The following RIMS2 variants were observed in gnomAD, a reference collection of about 807,000 sequenced individuals.
The protein encoded by RIMS2 is regulating synaptic membrane exocytosis protein 2.
RIMS2 carries 59 observed loss-of-function variants against 174.4 expected under a neutral mutation model. That is an observed-to-expected ratio of 0.34 (90% CI 0.27 to 0.42). The LOEUF (loss-of-function observed/expected upper bound fraction) is 0.42. Among genes scored for constraint, RIMS2 ranks in the 10% least tolerant of loss-of-function variants. RIMS2 has a pLI of 1.00. For synonymous variants in RIMS2, 606 were observed against 572.5 expected (o/e 1.06, Z -0.84); for missense variants, 1,620 against 1,666.3 (o/e 0.97, Z 0.48).
intron 3 of RIMS2, among the ~76,000 whole-genome samples, chr8:103,833,394 A>C (rs2098837976): frequency 6.6e-6 from 1 of 151,972 alleles, no homozygotes; most frequent in Admixed American, 6.5e-5. Flanking sequence ...TATGTGTATA[A>C]ATTTATGTTC....
At chr8:103,636,309 C>T (rs2096072399) in intron 1 of RIMS2, among the ~76,000 whole-genome samples, 1 of 152,160 alleles carries the variant, frequency 6.6e-6, no homozygotes, top group African/African-American at 2.4e-5. Context: ...TCCCAGTTTG[C>T]TGGAACTGCA....
intron 19 of RIMS2, among the ~76,000 whole-genome samples, chr8:104,160,138 CA>C (rs11418172): frequency 2.9e-4 from 40 of 139,776 alleles, no homozygotes; most frequent in South Asian, 2.3e-4. Flanking sequence ...GACTCCATCT[CA>C]AAAAAAAAAA....
At chr8:103,777,223 A>AAAGAATTATAAGAAAAAAGGAGG (rs2098328321) in intron 3 of RIMS2, among the ~76,000 whole-genome samples, 1 of 152,022 alleles carries the variant, frequency 6.6e-6, no homozygotes. Context: ...AAAAAAGGAG[A>AAAGAATTATAAGAAAAAAGGAGG]AAGAATTATA....
At chr8:104,179,290 C>A (rs2098926006) in intron 19 of RIMS2, among the ~76,000 whole-genome samples, 1 of 152,000 alleles carries the variant, frequency 6.6e-6, no homozygotes, top group African/African-American at 2.4e-5. Context: ...TTGGTAATAG[C>A]AACTGCATGA....
intron 3 of RIMS2, among the ~76,000 whole-genome samples, chr8:103,830,862 G>T (rs1410523115): frequency 6.6e-6 from 1 of 152,180 alleles, no homozygotes; most frequent in Non-Finnish European, 1.5e-5. Flanking sequence ...AGGCTGCAGT[G>T]CAGTAGTGCA....
chr8:103,701,037 A>G (rs1016807663), intron 2 of RIMS2, among the ~76,000 whole-genome samples: 2 of 151,996 alleles, frequency 1.3e-5, no homozygotes, highest in African/African-American at 2.4e-5. Context: ...GAAAAGATCT[A>G]TATTTATTCT....
intron 3 of RIMS2, among the ~76,000 whole-genome samples, chr8:103,810,760 T>G (rs1407992314): frequency 2.0e-5 from 3 of 152,172 alleles, no homozygotes; most frequent in African/African-American, 7.2e-5. Flanking sequence ...TTTGTATTTA[T>G]AGAATAGGTA....
intron 2 of RIMS2, among the ~76,000 whole-genome samples, chr8:103,724,244 G>GC (rs1216969407): frequency 2.0e-5 from 3 of 152,058 alleles, no homozygotes; most frequent in Non-Finnish European, 2.9e-5. Context: ...TTTTATGGTT[G>GC]CATCATTGTT....
chr8:103,564,440 G>A (rs2092066538), intron 1 of RIMS2, among the ~76,000 whole-genome samples: 1 of 152,134 alleles, frequency 6.6e-6, no homozygotes, highest in Non-Finnish European at 1.5e-5. Flanking sequence ...ACAAGATGAA[G>A]TCCCACAGTA....
chr8:103,951,673 C>T (rs1157827361), intron 14 of RIMS2, among the ~76,000 whole-genome samples: 2 of 152,144 alleles, frequency 1.3e-5, no homozygotes, highest in African/African-American at 2.4e-5. Flanking sequence ...AACTAGGTAG[C>T]CATTTGGGCA....
In RIMS2 at chr8:103,800,351, G is replaced by A. The variant is rs942364328; in HGVS notation, c.698+33814G>A. Among the ~76,000 whole-genome samples the A allele has an allele frequency of 2.0e-3, 303 of 152,042 alleles. 4 individuals are homozygous for A. Among genetic ancestry groups the A allele is most frequent in the Non-Finnish European group, 4.1e-4 (28 of 67,992 alleles). ...TTTTTTTATCCTATTTTACTGGCTA[G>A]TGCCTCCACTAAAATGTTAGATAGA... On this transcript the variant is annotated intron_variant, in intron 3 of 23. Coordinates refer to ENST00000504942, the Ensembl canonical transcript of RIMS2.
chr8:104,188,155 T>C (rs747986027), intron 19 of RIMS2, among the ~76,000 whole-genome samples: 2 of 151,538 alleles, frequency 1.3e-5, no homozygotes, highest in Non-Finnish European at 3.0e-5. Flanking sequence ...GAGTTCAGCT[T>C]GAGGGCCACT....
intron 19 of RIMS2, chr8:104,015,344 G>GT (rs887093889): frequency 3.2e-6 from 2 of 624,080 alleles, no homozygotes; most frequent in Admixed American, 2.8e-5. Flanking sequence ...AATTTCTGTT[G>GT]TTTTTAACCC....
chr8:104,104,811 C>A, intron 19 of RIMS2, among the ~76,000 whole-genome samples: 1 of 148,698 alleles, frequency 6.7e-6, no homozygotes. Flanking sequence ...GCTAGTGAGG[C>A]AAAGGCTGCA....
At chr8:103,927,951 G>A (rs1654574992) in intron 11 of RIMS2, 2 of 1,394,164 alleles carry the variant, frequency 1.4e-6, no homozygotes, top group East Asian at 2.4e-5. Context: ...GTATGTTTTT[G>A]GAAAATGCGT....
intron 3 of RIMS2, among the ~76,000 whole-genome samples, chr8:103,777,647 T>C (rs1393521736): frequency 1.3e-5 from 2 of 151,976 alleles, no homozygotes; most frequent in African/African-American, 2.4e-5. Flanking sequence ...CAGTGCTTTA[T>C]GCTAATTAGG....
intron 1 of RIMS2, among the ~76,000 whole-genome samples, chr8:103,609,940 A>T (rs1472826761): frequency 6.6e-6 from 1 of 152,126 alleles, no homozygotes; most frequent in Non-Finnish European, 1.5e-5. Context: ...CATTTTAATG[A>T]TATTGATTAT....
chr8:103,687,028 T>C (rs367805039), intron 1 of RIMS2, among the ~76,000 whole-genome samples: 1 of 152,304 alleles, frequency 6.6e-6, no homozygotes, highest in East Asian at 1.9e-4. Flanking sequence ...ATTGGTATTA[T>C]TTCTTCCTTC....
At chr8:104,012,417 A>G (rs2095793408) in intron 17 of RIMS2, among the ~76,000 whole-genome samples, 1 of 151,212 alleles carries the variant, frequency 6.6e-6, no homozygotes, top group African/African-American at 2.4e-5. Context: ...GATAACTTAT[A>G]GGTAAAGTGG....
Sources: gnomAD v4.1 joint callset for allele counts (sites outside exome capture counted in the v4.1 genomes callset) on GRCh38, gnomAD v4.1.1 for gene constraint, MANE v1.5 for transcripts, NCBI Gene and HGNC (gene_info 2026-07-23, HGNC 2026-07-21) for gene names.